Variants in SHISAL1 observed in about 807,000 individuals in gnomAD.
The protein encoded by SHISAL1 is shisa like 1.
SHISAL1 carries 9 observed loss-of-function variants against 22.6 expected under a neutral mutation model. That is an observed-to-expected ratio of 0.40 (90% CI 0.24 to 0.70). The LOEUF (loss-of-function observed/expected upper bound fraction) is 0.70. Ranked by LOEUF, SHISAL1 falls within the 30% of genes least tolerant of loss-of-function variation. The pLI, the probability that SHISAL1 is intolerant of heterozygous loss-of-function variation, is 0.39. For synonymous variants in SHISAL1, 119 were observed against 115.4 expected, an observed-to-expected ratio of 1.03 and a Z score of -0.20; for missense variants, 246 against 270.6, an observed-to-expected ratio of 0.91 and a Z score of 0.64.
At chr22:44,311,645 G>A (rs1367454646) in intron 1 of SHISAL1, among the ~76,000 whole-genome samples, 1 of 152,220 alleles carries the variant, frequency 6.6e-6, no homozygotes, top group Non-Finnish European at 1.5e-5. Context: ...TGAGGCCTGG[G>A]GAAAGGGGGA....
At position 44,244,004 on chromosome 22, in the gene SHISAL1, C is replaced by G. The variant is rs568470306; in HGVS notation, c.*5681G>C. 7 of 152,338 alleles carry G rather than the reference C, an allele frequency of 4.6e-5. 1 individual carries two copies. The South Asian group carries it at 6.2e-4, about 14-fold the overall frequency. 9.4% of individuals were successfully genotyped at this position (152,338 alleles called of 1,614,324 possible). A position where few individuals can be genotyped will look rare whatever the true frequency, so the allele number is the denominator to read the frequency against. On this transcript the variant is annotated 3_prime_UTR_variant, in exon 5 of 5. Coordinates refer to ENST00000381176, the MANE Select transcript of SHISAL1 (RefSeq NM_001099294.2). ...CTGCCTTGTTAAGGTGACTGAGCCC[C>G]TCACCCTTGCAGCCCCCACCTCGTT...
the SHISAL1 span, among the ~76,000 whole-genome samples, chr22:44,323,501 C>T: frequency 6.1e-5 from 7 of 114,002 alleles, no homozygotes; most frequent in Non-Finnish European, 1.3e-4. Flanking sequence ...TGCATCCATC[C>T]ATCAACCATC....
chr22:44,289,466 A>ATGTGTG lies in SHISAL1; in HGVS notation c.282-3727_282-3722dup, dbSNP rs35632126. On this transcript the variant is annotated intron_variant, in intron 3 of 4. Transcript: ENST00000381176. ...CGTGCAGATCAGTGTGTCATTGTAA[A>ATGTGTG]TGTGTGTGTGTGTGTGTGTGTGTGT... 6.4e-4 allele frequency among the ~76,000 whole-genome samples: 78 copies of ATGTGTG among 120,976 alleles called. 1 individual carries two copies. Among genetic ancestry groups the ATGTGTG allele is most frequent in the South Asian group, 1.7e-3 (6 of 3,622 alleles). The allele number at this position is 120,976 out of a possible 152,430, so 79.4% of individuals were successfully genotyped here. A position where few individuals can be genotyped will look rare whatever the true frequency, so the allele number is the denominator to read the frequency against.
intron 3 of SHISAL1, among the ~76,000 whole-genome samples, chr22:44,290,417 T>C (rs2055344474): frequency 6.6e-6 from 1 of 151,664 alleles, no homozygotes; most frequent in Admixed American, 6.6e-5. Flanking sequence ...TAATCCCAGC[T>C]ACTTGAGAGG....
the SHISAL1 span, among the ~76,000 whole-genome samples, chr22:44,323,053 CCA>C: frequency 6.8e-6 from 1 of 147,740 alleles, no homozygotes; most frequent in African/African-American, 2.5e-5. Flanking sequence ...ATCCATCCAT[CCA>C]TCCACCCACC....
At chr22:44,311,606 C>A (rs926833477) in intron 1 of SHISAL1, among the ~76,000 whole-genome samples, 1 of 152,226 alleles carries the variant, frequency 6.6e-6, no homozygotes, top group Non-Finnish European at 1.5e-5. Context: ...GTAGGCACCA[C>A]TGTGATCCCA....
intron 3 of SHISAL1, 132 bp from the exon 4 acceptor site, chr22:44,285,877 C>T: frequency 1.3e-6 from 1 of 749,882 alleles, no homozygotes; most frequent in Non-Finnish European, 2.2e-6. Flanking sequence ...GTACTGAGCC[C>T]CTCTGGAGGG....
the SHISAL1 span, among the ~76,000 whole-genome samples, chr22:44,322,445 C>T: frequency 1.3e-5 from 2 of 152,218 alleles, no homozygotes; most frequent in Admixed American, 6.5e-5. Context: ...AGTGCCCAGG[C>T]TGATGTTTCA....
the SHISAL1 span, among the ~76,000 whole-genome samples, chr22:44,321,178 G>A: frequency 2.0e-5 from 3 of 152,158 alleles, no homozygotes; most frequent in Admixed American, 6.5e-5. Flanking sequence ...CAGGTCCACA[G>A]GGTAATGTCC....
intron 4 of SHISAL1, among the ~76,000 whole-genome samples, chr22:44,277,947 G>A (rs999534803): frequency 6.6e-6 from 1 of 152,210 alleles, no homozygotes; most frequent in Admixed American, 6.5e-5. Context: ...GAGCCCTGCG[G>A]GTGATGGTGA....
At chr22:44,261,493 C>T (rs1322812272) in intron 4 of SHISAL1, among the ~76,000 whole-genome samples, 17 of 152,066 alleles carry the variant, frequency 1.1e-4, no homozygotes, top group East Asian at 5.8e-4. Context: ...CAGACAAGCC[C>T]GGGTTCAGGT....
Position 44,248,344 on chromosome 22 carries a change from G to T in SHISAL1, c.*1341C>A, listed in dbSNP as rs2055021348. 6.6e-6 allele frequency: 1 copy of T among 152,258 alleles called. No individual in the cohort carries two copies. Among genetic ancestry groups the T allele is most frequent in the African/African-American group, 2.4e-5 (1 of 41,448 alleles). 9.4% of individuals were successfully genotyped at this position (152,258 alleles called of 1,614,324 possible). ...AGCAGGGCCTCCCGAGCTAAGAGCT[G>T]GGGGAGATTTGGTATCACTAACACC... On this transcript the variant is annotated 3_prime_UTR_variant, in exon 5 of 5. Transcript: ENST00000381176.
chr22:44,273,819 C>G (rs1190339110), intron 4 of SHISAL1, among the ~76,000 whole-genome samples: 1 of 152,060 alleles, frequency 6.6e-6, no homozygotes, highest in African/African-American at 2.4e-5. Flanking sequence ...CTTCAAACCT[C>G]AACTGTCTTG....
chr22:44,329,724 C>T, the SHISAL1 span, among the ~76,000 whole-genome samples: 29 of 152,288 alleles, frequency 1.9e-4, no homozygotes, highest in Non-Finnish European at 3.2e-4. Flanking sequence ...AGAAGTGTCC[C>T]GCACTGAGCA....
At chr22:44,278,579 C>T (rs899224814) in intron 4 of SHISAL1, among the ~76,000 whole-genome samples, 1 of 152,088 alleles carries the variant, frequency 6.6e-6, no homozygotes, top group African/African-American at 2.4e-5. Flanking sequence ...CCCCCAGGGG[C>T]GGCCTGTGTG....
Position 44,296,855 on chromosome 22 carries a change from G to A in SHISAL1, c.98C>T (p.Pro33Leu), listed in dbSNP as rs2055390433. 6.2e-7 allele frequency: 1 copy of A among 1,612,704 alleles called. No homozygotes were observed. The highest frequency in any genetic ancestry group is 8.5e-7 in the Non-Finnish European group (1 of 1,179,980). The change falls in exon 3 of 5, where the codon CCA becomes CTA. Residue 33 changes from proline to leucine, a missense_variant. By Grantham distance (98) the Pro-to-Leu change is moderately conservative (BLOSUM62 -3). Around this residue, in one of 2 missense-constraint regions of SHISAL1, gnomAD observed 110 missense variants for 153.1 expected, o/e 0.72. Coordinates refer to ENST00000381176, the MANE Select transcript of SHISAL1 (RefSeq NM_001099294.2). ...GTAGCGGCCTTTGTGGTCTGTGTAT[G>A]GTTCACAGACCCGGAAATGTGCAGA... ...VLSAHFRVCE[P>L]YTDHKGRYHF...
the SHISAL1 span, among the ~76,000 whole-genome samples, chr22:44,329,440 G>GACACAC: frequency 3.4e-5 from 5 of 144,980 alleles, no homozygotes; most frequent in East Asian, 4.3e-4. Context: ...GCGAGAATGG[G>GACACAC]ACACACACAC....
At chr22:44,330,924 T>C in the SHISAL1 span, among the ~76,000 whole-genome samples, 40 of 152,042 alleles carry the variant, frequency 2.6e-4, no homozygotes, top group African/African-American at 9.6e-4. Flanking sequence ...GAGGGGTCCT[T>C]CTACCCGTCC....
At chr22:44,291,138 A>G (rs1227839003) in intron 3 of SHISAL1, among the ~76,000 whole-genome samples, 1 of 152,192 alleles carries the variant, frequency 6.6e-6, no homozygotes, top group African/African-American at 2.4e-5. Context: ...TAGAGACACG[A>G]CGTGTGTGGC....
Sources: gnomAD v4.1 joint callset for allele counts (sites outside exome capture counted in the v4.1 genomes callset) on GRCh38, gnomAD v4.1.1 for gene constraint, gnomAD v4.1.1 regional missense constraint, MANE v1.5 for transcripts, NCBI Gene and HGNC (gene_info 2026-07-23, HGNC 2026-07-21) for gene names.